The following TNNI3 variants were observed in gnomAD, a reference collection of about 807,000 sequenced individuals.
The protein encoded by TNNI3 is troponin I3, cardiac type.
In TNNI3, 23 loss-of-function variants were observed where a neutral mutation model predicts 31.5. The observed-to-expected ratio is 0.73, with a 90% CI of 0.52 to 1.03. The LOEUF (loss-of-function observed/expected upper bound fraction) is 1.03. Ranked by LOEUF, TNNI3 falls within the 50% of genes least tolerant of loss-of-function variation. The pLI is 0.00. For missense variants in TNNI3, 236 were observed against 282.9 expected, an observed-to-expected ratio of 0.83 and a Z score of 1.19; for synonymous variants, 120 against 111.7, an observed-to-expected ratio of 1.07 and a Z score of -0.47.
Position 55,154,794 on chromosome 19 carries a change from C to A in TNNI3, c.319G>T (p.Val107Leu). 6.2e-7 allele frequency: 1 copy of A among 1,614,230 alleles called. No homozygotes were observed. Among genetic ancestry groups the A allele is most frequent in the Non-Finnish European group, 8.5e-7 (1 of 1,180,034 alleles). The change falls in exon 6 of 8, where the codon GTG (valine) becomes TTG (leucine). Residue 107 changes from valine (V) to leucine (L), a missense_variant. Transcript: ENST00000344887. Reference protein sequence around the residue: ...CRQLHARVDKVDEERYDIEAK... With the variant: ...CRQLHARVDKLDEERYDIEAK... ...TCTATGTCGTATCTCTCTTCATCCACCTTGTCCACACGGGCGTGGAGCTGT... is the reference window on the plus strand; with the variant it reads ...TCTATGTCGTATCTCTCTTCATCCAACTTGTCCACACGGGCGTGGAGCTGT...
In TNNI3 at chr19:55,156,218, C is replaced by T. The variant is rs1702354017; in HGVS notation, c.265G>A (p.Gly89Ser). ...RCQPLELAGL[G>S]FAELQDLCRQ... ...GCCGGTACCTGCAGCTCCGCGAAGC[C>T]CAGCCCGGCCAACTCCAGCGGCTGG... The change falls in exon 5 of 8, where the codon GGC (glycine) becomes AGC (serine). Residue 89 changes from glycine (G) to serine (S), a missense_variant. By Grantham distance (56) the Gly-to-Ser change is moderately conservative. Around this residue, in one of 4 missense-constraint regions of TNNI3, gnomAD observed 172 missense variants for 171.8 expected, o/e 1.00. Coordinates refer to ENST00000344887, the MANE Select transcript of TNNI3 (RefSeq NM_000363.5). The surrounding 1 kb of genome is among the most constrained non-coding windows in gnomAD (Gnocchi z 4.6). The T allele has an allele frequency of 1.2e-6, 2 of 1,612,754 alleles. No homozygotes were observed. Among genetic ancestry groups the T allele is most frequent in the South Asian group, 1.1e-5 (1 of 91,080 alleles).
chr19:55,152,756 G>A lies in TNNI3; in HGVS notation c.550-839C>T, dbSNP rs2085702283. On this transcript the variant is annotated intron_variant, in intron 7 of 7. Transcript: ENST00000344887. This position sits in a 1 kb window ranked among gnomAD's most constrained non-coding sequence, Gnocchi z 4.0. ...TCCTCTCACCTCAGACTCCTGAGGA[G>A]CTGGGACCACAGGTGTGTGCCACCA... Among the ~76,000 whole-genome samples the A allele has an allele frequency of 6.6e-6, 1 of 152,150 alleles. No individual in the cohort carries two copies. The highest frequency in any genetic ancestry group is 1.5e-5 in the Non-Finnish European group (1 of 68,030).
chr19:55,151,943 T>C, intron 7 of TNNI3, 26 bp from the exon 8 acceptor site: 6 of 1,608,482 alleles, frequency 3.7e-6, no homozygotes, highest in Non-Finnish European at 5.1e-6. Context: ...GAGTCAGAGG[T>C]TAGGGTCTCT....
intron 7 of TNNI3, 78 bp from the exon 8 acceptor site, chr19:55,151,995 G>A: frequency 1.5e-6 from 2 of 1,312,596 alleles, no homozygotes; most frequent in Non-Finnish European, 2.2e-6. Context: ...CTTCCCTCCA[G>A]CCTGTGGGGC....
rs1357543485 is a variant in TNNI3 at position 55,157,032 on chromosome 19, C to T, written c.108+18G>A. On this transcript the variant is annotated intron_variant, in intron 3 of 7. Transcript: ENST00000344887. This position sits in a 1 kb window ranked among gnomAD's most constrained non-coding sequence, Gnocchi z 6.3. The stretch of plus-strand genomic sequence containing the variant: ...CCCTCCGGCGCCTGTACTCTGCCCC[C>T]AGGAAGCCCCGTCCCACCTTGGCGT... The T allele has an allele frequency of 1.3e-6, 2 of 1,573,802 alleles. No homozygotes were observed. Among genetic ancestry groups the T allele is most frequent in the African/African-American group, 1.3e-5 (1 of 74,612 alleles).
At chr19:55,153,978 C>G in intron 7 of TNNI3, 52 bp downstream of exon 7, 3 of 1,605,646 alleles carry the variant, frequency 1.9e-6, no homozygotes, top group East Asian at 2.2e-5. Context: ...GTTGTTGGCA[C>G]CCACAGCCCT....
intron 6 of TNNI3, 91 bp downstream of exon 6, chr19:55,154,650 A>G (rs920524388): frequency 8.9e-7 from 1 of 1,124,742 alleles, no homozygotes. Flanking sequence ...TGGGATGTGC[A>G]GCCAAAAGCA....
Position 55,156,664 on chromosome 19 carries a change from CAAGG to C in TNNI3, c.109-24_109-21del. On this transcript the variant is annotated intron_variant, in intron 3 of 7. Coordinates refer to ENST00000344887, the MANE Select transcript of TNNI3 (RefSeq NM_000363.5). The surrounding 1 kb of genome is among the most constrained non-coding windows in gnomAD (Gnocchi z 4.6). ...TTTTTTCTGCCAGGGTGAGATGGAG[CAAGG>C]AAGGATCATGGAGGGGGATTCGGAG... The C allele has an allele frequency of 1.3e-6, 2 of 1,561,118 alleles. No homozygotes were observed. Among genetic ancestry groups the C allele is most frequent in the Non-Finnish European group, 1.7e-6 (2 of 1,151,108 alleles).
chr19:55,157,540 G>A lies in TNNI3; in HGVS notation c.11+39C>T, dbSNP rs1160974804. 2 of 1,612,750 alleles carry A rather than the reference G, an allele frequency of 1.2e-6. No homozygotes were observed. Among genetic ancestry groups the A allele is most frequent in the Admixed American group, 1.7e-5 (1 of 59,932 alleles). ...TGCGACCCCTCTTGGGAACCCGGGA[G>A]GTCGCCCCCAACTCCCACTGCCTTG... On this transcript the variant is annotated intron_variant, in intron 1 of 7. Coordinates refer to ENST00000344887, the MANE Select transcript of TNNI3 (RefSeq NM_000363.5). This position sits in a 1 kb window ranked among gnomAD's most constrained non-coding sequence, Gnocchi z 6.3.
intron 7 of TNNI3, among the ~76,000 whole-genome samples, chr19:55,153,567 A>T (rs75062926): frequency 0.029 from 4,441 of 151,788 alleles, 225 homozygotes; most frequent in African/African-American, 0.1. Flanking sequence ...TAAAACAACA[A>T]CATGGTGGTG....
At position 55,156,836 on chromosome 19, in the gene TNNI3, G is replaced by A. The variant is rs1445019863; in HGVS notation, c.109-192C>T. ...AATCTGGGTCTCTTCCTTTGGATAGGCACTTCCCATCTATCCCTAAGCAAG... is the reference window on the plus strand; with the variant it reads ...AATCTGGGTCTCTTCCTTTGGATAGACACTTCCCATCTATCCCTAAGCAAG... On this transcript the variant is annotated intron_variant, in intron 3 of 7. Coordinates refer to ENST00000344887, the MANE Select transcript of TNNI3 (RefSeq NM_000363.5). The surrounding 1 kb of genome is among the most constrained non-coding windows in gnomAD (Gnocchi z 4.6). 5 of 831,950 alleles carry A rather than the reference G, an allele frequency of 6.0e-6. No homozygotes were observed. Among genetic ancestry groups the A allele is most frequent in the Non-Finnish European group, 9.8e-6 (5 of 510,752 alleles). 51.5% of individuals were successfully genotyped at this position (831,950 alleles called of 1,614,324 possible). A position where few individuals can be genotyped will look rare whatever the true frequency, so the allele number is the denominator to read the frequency against.
At position 55,152,161 on chromosome 19, in the gene TNNI3, C is replaced by T. The variant is rs911042754; in HGVS notation, c.550-244G>A. Among the ~76,000 whole-genome samples the T allele has an allele frequency of 1.0e-4, 15 of 146,990 alleles. No individual in the cohort carries two copies. Among genetic ancestry groups the T allele is most frequent in the Admixed American group, 3.4e-4 (5 of 14,906 alleles). ...TCTTTCCCCAGCACTTCCTGTCTCC[C>T]TCATGTACTTTCTGTCTTTCCCCAT... On this transcript the variant is annotated intron_variant, in intron 7 of 7. Coordinates refer to ENST00000344887, the MANE Select transcript of TNNI3 (RefSeq NM_000363.5). This position sits in a 1 kb window ranked among gnomAD's most constrained non-coding sequence, Gnocchi z 4.0.
At chr19:55,154,878 A>T (rs749965636) in intron 5 of TNNI3, 48 bp from the exon 6 acceptor site, 1 of 1,550,338 alleles carries the variant, frequency 6.5e-7, no homozygotes, top group Non-Finnish European at 8.9e-7. Context: ...AAAAACAGGG[A>T]GACCTGGACT....
At chr19:55,154,881 C>T (rs1479474938) in intron 5 of TNNI3, 51 bp from the exon 6 acceptor site, 3 of 1,532,924 alleles carry the variant, frequency 2.0e-6, no homozygotes, top group Non-Finnish European at 2.7e-6. Context: ...AACAGGGAGA[C>T]CTGGACTCCT....
In TNNI3 at chr19:55,157,518, G is replaced by C. The variant is rs764838822; in HGVS notation, c.11+61C>G. The C allele has an allele frequency of 2.5e-6, 4 of 1,608,184 alleles. No homozygotes were observed. In the South Asian group the frequency reaches 4.4e-5, roughly 18 times the overall value. ...GCCAAGGGTCCAGCCTCTCAGCTGC[G>C]ACCCCTCTTGGGAACCCGGGAGGTC... is the stretch of plus-strand genomic sequence containing the variant. On this transcript the variant is annotated intron_variant, in intron 1 of 7. Transcript: ENST00000344887. This position sits in a 1 kb window ranked among gnomAD's most constrained non-coding sequence, Gnocchi z 6.3.
chr19:55,156,714 A>C lies in TNNI3; in HGVS notation c.109-70T>G. The C allele has an allele frequency of 9.9e-6, 15 of 1,516,026 alleles. No individual in the cohort carries two copies. The highest frequency in any genetic ancestry group is 5.5e-5 in the African/African-American group (4 of 72,126). 93.9% of individuals were successfully genotyped at this position (1,516,026 alleles called of 1,614,324 possible). On this transcript the variant is annotated intron_variant, in intron 3 of 7. Coordinates refer to ENST00000344887, the MANE Select transcript of TNNI3 (RefSeq NM_000363.5). This position sits in a 1 kb window ranked among gnomAD's most constrained non-coding sequence, Gnocchi z 4.6. Reference sequence around the variant, plus strand: ...CGGAGACGACGGTGGAGGGGACCTCAAGACACCCCCAGCAAACCCAGCCGG... The same window carrying C: ...CGGAGACGACGGTGGAGGGGACCTCCAGACACCCCCAGCAAACCCAGCCGG...
chr19:55,156,946 C>G lies in TNNI3; in HGVS notation c.108+104G>C. 3.8e-6 allele frequency: 5 copies of G among 1,329,984 alleles called. No individual in the cohort carries two copies. The South Asian group carries it at 6.3e-5, about 17-fold the overall frequency. 82.4% of individuals were successfully genotyped at this position (1,329,984 alleles called of 1,614,324 possible). ...GCAAAACTCCGCCCCTGAAGCCCCT[C>G]CGCGTAGTCCCCGCCCCCTTCGCAG... On this transcript the variant is annotated intron_variant, in intron 3 of 7. Transcript: ENST00000344887. The surrounding 1 kb of genome is among the most constrained non-coding windows in gnomAD (Gnocchi z 4.6).
At position 55,152,001 on chromosome 19, in the gene TNNI3, G is replaced by T. The variant is rs2085698003; in HGVS notation, c.550-84C>A. On this transcript the variant is annotated intron_variant, in intron 7 of 7. Coordinates refer to ENST00000344887, the MANE Select transcript of TNNI3 (RefSeq NM_000363.5). This position sits in a 1 kb window ranked among gnomAD's most constrained non-coding sequence, Gnocchi z 4.0. ...AATCCCTGTCTTCCCTCCAGCCTGT[G>T]GGGCCACTCTACCCTGGATGCCTAA... 1.6e-6 allele frequency: 2 copies of T among 1,254,512 alleles called. No homozygotes were observed. Among genetic ancestry groups the T allele is most frequent in the Admixed American group, 3.7e-5 (2 of 54,786 alleles). The allele number at this position is 1,254,512 out of a possible 1,614,324, so 77.7% of individuals were successfully genotyped here. A position where few individuals can be genotyped will look rare whatever the true frequency, so the allele number is the denominator to read the frequency against.
rs1438878332 is a variant in TNNI3 at position 55,156,330 on chromosome 19, A to C, written c.153T>G (p.Thr51=). ...CTTGCTTTGCAATCTGCAGCAGCAG[A>C]GTCTGCAGAGGGGTGGGAGGGAAGC... ...ISASRKLQLK[T]LLLQIAKQEL... is the part of the protein sequence containing the mutation. Residue 51 remains threonine, a splice_region_variant and synonymous_variant, in exon 5 of 8, where the codon ACT becomes ACG. Coordinates refer to ENST00000344887, the MANE Select transcript of TNNI3 (RefSeq NM_000363.5). The surrounding 1 kb of genome is among the most constrained non-coding windows in gnomAD (Gnocchi z 4.6). The C allele has an allele frequency of 1.2e-6, 2 of 1,608,326 alleles. No individual in the cohort carries two copies. The highest frequency in any genetic ancestry group is 1.7e-6 in the Non-Finnish European group (2 of 1,178,286).
Sources: allele counts gnomAD v4.1 joint callset (sites outside exome capture counted in the v4.1 genomes callset), GRCh38; gene constraint gnomAD v4.1.1; regional missense constraint gnomAD v4.1.1; non-coding constraint Gnocchi (gnomAD v3.1); transcripts MANE v1.5; gene names NCBI Gene and HGNC (gene_info 2026-07-23, HGNC 2026-07-21).